IFT122: variants seen among roughly 807,000 people sequenced by gnomAD.
IFT122 encodes the protein intraflagellar transport 122, also known as intraflagellar transport protein 122 homolog.
Under a neutral mutation model 161.6 loss-of-function variants are expected in IFT122, and 118 were observed. That is an observed-to-expected ratio of 0.73 (90% CI 0.63 to 0.85). The LOEUF (loss-of-function observed/expected upper bound fraction) is 0.85. IFT122 is among the 40% of genes least tolerant of loss of function. IFT122 has a pLI of 0.00. For missense variants in IFT122, 1,381 were observed against 1,579.6 expected, an observed-to-expected ratio of 0.87 and a Z score of 2.13; for synonymous variants, 550 against 602.4, an observed-to-expected ratio of 0.91 and a Z score of 1.27.
At chr3:129,487,043 T>TA (rs1179365520) in intron 15 of IFT122, among the ~76,000 whole-genome samples, 2 of 152,040 alleles carry the variant, frequency 1.3e-5, no homozygotes, top group Non-Finnish European at 2.9e-5. Context: ...ATTCTAAAGC[T>TA]AAAAAATGGG....
intron 1 of IFT122, among the ~76,000 whole-genome samples, chr3:129,442,190 T>G (rs1251239813): frequency 6.6e-6 from 1 of 152,192 alleles, no homozygotes; most frequent in Non-Finnish European, 1.5e-5. Flanking sequence ...GCACAGAATT[T>G]TGTTCATTTC....
chr3:129,507,673 G>A lies in IFT122; in HGVS notation c.2797G>A (p.Ala933Thr), dbSNP rs992087695. The change falls in exon 23 of 30, where the codon GCC becomes ACC. Residue 933 changes from alanine to threonine, a missense_variant. Transcript: ENST00000348417. ...MQCLDIAQDP[A>T]QKDTMLGKFY... ...CCACCCGCTGCACACAGCAGATCCT[G>A]CCCAGAAGGACACAATGCTTGGCAA... 3 of 1,614,002 alleles carry A rather than the reference G, an allele frequency of 1.9e-6. No homozygotes were observed. In the African/African-American group the frequency reaches 4.0e-5, roughly 22 times the overall value.
chr3:129,519,434 C>T, intron 28 of IFT122, 134 bp from the exon 29 acceptor site: 1 of 1,275,156 alleles, frequency 7.8e-7, no homozygotes, highest in Non-Finnish European at 1.1e-6. Context: ...AGGAGCTTGC[C>T]ACTGTTAGGG....
chr3:129,449,989 G>C (rs756706273), intron 2 of IFT122, 52 bp downstream of exon 2: 1 of 1,132,218 alleles, frequency 8.8e-7, no homozygotes, highest in South Asian at 1.3e-5. Flanking sequence ...CCTCCCTCTT[G>C]TGAGTACTCT....
intron 18 of IFT122, 74 bp downstream of exon 18, chr3:129,495,681 T>C: frequency 1.3e-6 from 2 of 1,553,596 alleles, no homozygotes; most frequent in Admixed American, 1.7e-5. Flanking sequence ...GTCCAAGTTA[T>C]TTTCCCCAAG....
At position 129,492,134 on chromosome 3, in the gene IFT122, G is replaced by A. The variant is rs2285354; in HGVS notation, c.1993-7G>A. On this transcript the variant is annotated splice_polypyrimidine_tract_variant and splice_region_variant and intron_variant, in intron 16 of 29. Transcript: ENST00000348417. ...AGCTTATTTTATTCTTTATTTCTTCGCCACAGGCCTTCATCAGAGTACAAG... is the reference window on the plus strand; with the variant it reads ...AGCTTATTTTATTCTTTATTTCTTCACCACAGGCCTTCATCAGAGTACAAG... The A allele has an allele frequency of 3.3e-5, 53 of 1,607,994 alleles. No homozygotes were observed. The East Asian group carries it at 5.8e-4, about 18-fold the overall frequency.
chr3:129,511,153 G>A (rs1466085315), intron 23 of IFT122, among the ~76,000 whole-genome samples: 1 of 152,156 alleles, frequency 6.6e-6, no homozygotes, highest in East Asian at 1.9e-4. Flanking sequence ...GTCCTTCCTG[G>A]ATACATGGCA....
chr3:129,456,022 G>T, intron 3 of IFT122: 1 of 424,562 alleles, frequency 2.4e-6, no homozygotes. Context: ...GTTGTTCAGG[G>T]GTCAACTGTA....
rs893339020 is a variant in IFT122, at chr3:129,501,076, G to A, written c.2375+1008G>A. Among the ~76,000 whole-genome samples the A allele has an allele frequency of 3.3e-5, 5 of 152,242 alleles. No individual in the cohort carries two copies. The South Asian group carries it at 6.2e-4, about 19-fold the overall frequency. ...CACCATTCGTCAAGGTGGACAACAG[G>A]GAGAGGAGGGGGTTGGGGTGGGGCA... On this transcript the variant is annotated intron_variant, in intron 19 of 29. Coordinates refer to ENST00000348417, the MANE Select transcript of IFT122 (RefSeq NM_052989.3).
intron 16 of IFT122, among the ~76,000 whole-genome samples, chr3:129,489,472 G>GT (rs2079761460): frequency 6.6e-6 from 1 of 152,182 alleles, no homozygotes; most frequent in Non-Finnish European, 1.5e-5. Flanking sequence ...AGTGATCGTT[G>GT]TGTAACAATG....
Position 129,492,226 on chromosome 3 carries a change from A to G in IFT122, c.2046+32A>G, listed in dbSNP as rs60681706. 23,560 of 1,563,420 alleles carry G rather than the reference A, an allele frequency of 0.015. 1,305 individuals are homozygous for G. Among genetic ancestry groups the G allele is most frequent in the African/African-American group, 0.13 (9,656 of 73,444 alleles). Reference sequence around the variant, plus strand: ...GATGAAGCATTTTTCCTTCTCAAGAAGGCATACTTGGGGTTCCTGTTTTAG... The same window carrying G: ...GATGAAGCATTTTTCCTTCTCAAGAGGGCATACTTGGGGTTCCTGTTTTAG... On this transcript the variant is annotated intron_variant, in intron 17 of 29. Transcript: ENST00000348417.
chr3:129,481,292 G>T (rs1225031417), intron 13 of IFT122: 29 of 504,336 alleles, frequency 5.8e-5, no homozygotes, highest in Non-Finnish European at 7.4e-6. Flanking sequence ...AGCTCGGCCT[G>T]TCTCAGGGCT....
intron 11 of IFT122, among the ~76,000 whole-genome samples, chr3:129,477,773 A>T (rs2078137027): frequency 6.6e-6 from 1 of 152,240 alleles, no homozygotes; most frequent in Non-Finnish European, 1.5e-5. Flanking sequence ...TGATGGTAAC[A>T]GTGAGTAGTT....
chr3:129,509,259 C>G (rs1375169271), intron 23 of IFT122, among the ~76,000 whole-genome samples: 4 of 152,162 alleles, frequency 2.6e-5, no homozygotes, highest in African/African-American at 7.2e-5. Context: ...GCTTTTTCAC[C>G]TTCCCAATTT....
chr3:129,482,829 C>T (rs2078835133), intron 14 of IFT122, among the ~76,000 whole-genome samples: 1 of 152,212 alleles, frequency 6.6e-6, no homozygotes, highest in Non-Finnish European at 1.5e-5. Flanking sequence ...CTAGATACTA[C>T]AGTGCCTAGC....
chr3:129,466,703 A>C (rs1448672454), intron 7 of IFT122, among the ~76,000 whole-genome samples, 187 bp from the exon 8 acceptor site: 12 of 151,680 alleles, frequency 7.9e-5, no homozygotes, highest in African/African-American at 2.9e-4. Context: ...GGGTTTCACC[A>C]TGTTGGCCAG....
chr3:129,478,337 A>G (rs999707794), intron 12 of IFT122, 119 bp downstream of exon 12: 2 of 812,402 alleles, frequency 2.5e-6, no homozygotes, highest in Non-Finnish European at 4.1e-6. Context: ...TGTTCCATCA[A>G]ACTAAGTGGT....
chr3:129,508,330 C>T (rs751444342), intron 23 of IFT122, among the ~76,000 whole-genome samples: 35 of 152,216 alleles, frequency 2.3e-4, no homozygotes, highest in Non-Finnish European at 4.0e-4. Context: ...TTGTCAACAG[C>T]CTCTTCATCC....
In IFT122 at chr3:129,466,990, G is replaced by A; in HGVS notation, c.664G>A (p.Val222Met). ...QEIPSTLKSA[V>M]YSSQGSEAEE... is the part of the protein sequence containing the mutation. ...AATCCCTTCCACTCTGAAGTCAGCA[G>A]TGTACAGTAGTCAGGGTAGTGAGGC... The change falls in exon 8 of 30, where the codon GTG becomes ATG. Residue 222 changes from valine to methionine, a missense_variant. Physicochemically the swap from Val to Met is conservative, Grantham distance 21. Coordinates refer to ENST00000348417, the MANE Select transcript of IFT122 (RefSeq NM_052989.3). 3 of 1,614,226 alleles carry A rather than the reference G, an allele frequency of 1.9e-6. No individual in the cohort carries two copies. The highest frequency in any genetic ancestry group is 3.3e-5 in the Admixed American group (2 of 60,028).
Sources: allele counts gnomAD v4.1 joint callset (sites outside exome capture counted in the v4.1 genomes callset), GRCh38; gene constraint gnomAD v4.1.1; transcripts MANE v1.5; gene names NCBI Gene and HGNC (gene_info 2026-07-23, HGNC 2026-07-21).